The following CPLANE1 variants were observed in gnomAD, a reference collection of about 807,000 sequenced individuals.
CPLANE1 encodes ciliogenesis and planar polarity effector complex subunit 1.
Under a neutral mutation model 362.5 loss-of-function variants are expected in CPLANE1, and 263 were observed. The observed-to-expected ratio is 0.73, with a 90% CI of 0.66 to 0.80. CPLANE1 has a LOEUF of 0.80. Among genes scored for constraint, CPLANE1 ranks in the 30% least tolerant of loss-of-function variants. The pLI is 0.00. For missense variants in CPLANE1, 3,461 were observed against 3,793.4 expected, an observed-to-expected ratio of 0.91 and a Z score of 2.30; for synonymous variants, 1,212 against 1,302.6, an observed-to-expected ratio of 0.93 and a Z score of 1.50.
rs781497627 is a variant in CPLANE1, at chr5:37,167,136, T to C, written c.7311A>G (p.Leu2437=). 3.7e-6 allele frequency: 6 copies of C among 1,613,574 alleles called. No individual in the cohort carries two copies. The highest frequency in any genetic ancestry group is 1.7e-4 in the Middle Eastern group (1 of 6,058). ...KQSQQKLTHN[L]FEQGDAGHLQ... ...GGTGTCCAGCATCACCTTGTTCAAATAAATTATGTGTTAGTTTCTGTTGGC... is the reference window on the plus strand; with the variant it reads ...GGTGTCCAGCATCACCTTGTTCAAACAAATTATGTGTTAGTTTCTGTTGGC... Residue 2437 remains leucine (L), a synonymous_variant, in exon 35 of 53, where the codon TTA becomes TTG. Transcript: ENST00000651892.
intron 28 of CPLANE1, 65 bp downstream of exon 28, chr5:37,179,952 G>T: frequency 9.0e-7 from 1 of 1,112,048 alleles, no homozygotes. Context: ...AGTTACCTCA[G>T]ATAATATTAT....
intron 43 of CPLANE1, among the ~76,000 whole-genome samples, chr5:37,144,225 C>T (rs10043395): frequency 0.15 from 21,748 of 149,956 alleles, 1,866 homozygotes; most frequent in African/African-American, 0.22. Context: ...CTGGTTAACA[C>T]GGTGAAAACC....
In CPLANE1 at chr5:37,184,958, A is replaced by T. The variant is rs1783591442; in HGVS notation, c.4311T>A (p.Ile1437=). 6.2e-7 allele frequency: 1 copy of T among 1,613,922 alleles called. No individual in the cohort carries two copies. Among genetic ancestry groups the T allele is most frequent in the African/African-American group, 1.3e-5 (1 of 74,882 alleles). The change falls in exon 25 of 53, where the codon ATT becomes ATA. Residue 1437 remains isoleucine, a synonymous_variant. Coordinates refer to ENST00000651892, the MANE Select transcript of CPLANE1 (RefSeq NM_001384732.1). ...GAGCCTCATCTGGTTTCTCTTCTTC[A>T]ATTGGTTCCCATATATTCACTTCAA... ...GSFEVNIWEP[I]EEEKPDEAPG...
chr5:37,154,109 A>T (rs1037330089), intron 41 of CPLANE1, 116 bp from the exon 42 acceptor site: 1 of 846,748 alleles, frequency 1.2e-6, no homozygotes, highest in African/African-American at 1.7e-5. Flanking sequence ...TTTCCAAATC[A>T]GTTTTAATTA....
chr5:37,108,560 C>CA, intron 51 of CPLANE1, 89 bp from the exon 52 acceptor site: 1 of 1,196,964 alleles, frequency 8.4e-7, no homozygotes, highest in Non-Finnish European at 1.2e-6. Flanking sequence ...TCATCAAAGC[C>CA]AAGGTAGTCA....
At chr5:37,239,518 G>A (rs1254997194) in intron 7 of CPLANE1, among the ~76,000 whole-genome samples, 195 bp downstream of exon 7, 1 of 145,986 alleles carries the variant, frequency 6.8e-6, no homozygotes, top group Non-Finnish European at 1.5e-5. Flanking sequence ...AGGAGGTCGA[G>A]GCTGCAGCAA....
At chr5:37,148,097 CT>C in intron 43 of CPLANE1, 83 bp downstream of exon 43, 1 of 841,806 alleles carries the variant, frequency 1.2e-6, no homozygotes, top group Non-Finnish European at 1.8e-6. Context: ...ACTACTCCTA[CT>C]TCTGGCACTC....
Position 37,142,361 on chromosome 5 carries a change from C to T in CPLANE1, c.8581G>A (p.Asp2861Asn), listed in dbSNP as rs748445168. 5.6e-6 allele frequency: 9 copies of T among 1,609,866 alleles called. No homozygotes were observed. Among genetic ancestry groups the T allele is most frequent in the South Asian group, 4.4e-5 (4 of 90,174 alleles). ...GQKTCVFPTA[D>N]SAVSLSSSSD... ...GAACTGGAAAGGCTGACAGCTGAAT[C>T]GGCAGTAGGAAACACACAGGTTTTC... The change falls in exon 44 of 53, where the codon GAT becomes AAT. Residue 2861 changes from aspartate to asparagine, a missense_variant. By Grantham distance (23) the Asp-to-Asn change is conservative. This residue lies in a region of CPLANE1 where 3,380 missense variants were observed against 3,666.1 expected (regional missense o/e 0.92). Transcript: ENST00000651892.
At chr5:37,159,737 C>T (rs961341420) in intron 38 of CPLANE1, among the ~76,000 whole-genome samples, 1 of 152,118 alleles carries the variant, frequency 6.6e-6, no homozygotes, top group Non-Finnish European at 1.5e-5. Context: ...AATAAAAATA[C>T]TGAAATCATT....
At chr5:37,127,680 G>A (rs957390364) in intron 46 of CPLANE1, among the ~76,000 whole-genome samples, 3 of 151,308 alleles carry the variant, frequency 2.0e-5, no homozygotes, top group African/African-American at 4.9e-5. Flanking sequence ...CACCACGCCC[G>A]GCTTTTTGCA....
Position 37,243,012 on chromosome 5 carries a change from C to A in CPLANE1, c.677+1G>T. Reference sequence around the variant, plus strand: ...AAGGAAGAAGAAAACATTTACCTCACCTTACAGATGTAAATACATTCTCAT... The same window carrying A: ...AAGGAAGAAGAAAACATTTACCTCAACTTACAGATGTAAATACATTCTCAT... On this transcript the variant is annotated splice_donor_variant, in intron 6 of 52. Transcript: ENST00000651892. LOFTEE classifies it high-confidence loss of function. 2 of 1,520,020 alleles carry A rather than the reference C, an allele frequency of 1.3e-6. No individual in the cohort carries two copies. The highest frequency in any genetic ancestry group is 1.8e-6 in the Non-Finnish European group (2 of 1,127,258). 94.2% of individuals were successfully genotyped at this position (1,520,020 alleles called of 1,614,324 possible).
At chr5:37,161,216 C>A (rs994145493) in intron 38 of CPLANE1, among the ~76,000 whole-genome samples, 1 of 152,110 alleles carries the variant, frequency 6.6e-6, no homozygotes, top group Non-Finnish European at 1.5e-5. Context: ...ATAGAAAATA[C>A]GGGTATCCCT....
intron 40 of CPLANE1, 28 bp downstream of exon 40, chr5:37,157,642 A>G: frequency 6.3e-7 from 1 of 1,578,848 alleles, no homozygotes. Context: ...TTCAAATTAT[A>G]TTTGTTTTAA....
chr5:37,118,521 T>C (rs185450465), intron 50 of CPLANE1, among the ~76,000 whole-genome samples: 97 of 152,224 alleles, frequency 6.4e-4, no homozygotes, highest in African/African-American at 2.3e-3. Context: ...GTTGGTTCTA[T>C]GTGTGTAGGC....
intron 47 of CPLANE1, 182 bp downstream of exon 47, chr5:37,125,062 A>G: frequency 7.3e-6 from 10 of 1,376,206 alleles, no homozygotes; most frequent in Non-Finnish European, 9.5e-6. Flanking sequence ...CTTGGTTAGC[A>G]CAATATGCTG....
At chr5:37,239,546 G>T (rs568533052) in intron 7 of CPLANE1, among the ~76,000 whole-genome samples, 167 bp downstream of exon 7, 16 of 127,408 alleles carry the variant, frequency 1.3e-4, no homozygotes, top group African/African-American at 5.0e-4. Context: ...TCGCACCACT[G>T]CACTCCAGCC....
the CPLANE1 span, among the ~76,000 whole-genome samples, chr5:37,080,284 T>C: frequency 2.0e-5 from 3 of 152,208 alleles, no homozygotes; most frequent in African/African-American, 4.8e-5. Context: ...CTTAAGGACA[T>C]TACCCTGACT....
intron 18 of CPLANE1, among the ~76,000 whole-genome samples, chr5:37,203,582 T>C (rs531541486): frequency 5.9e-5 from 9 of 152,276 alleles, no homozygotes; most frequent in African/African-American, 2.2e-4. Context: ...GGCACAATCA[T>C]GGCTCACTGC....
At chr5:37,120,546 C>T (rs1762342395) in intron 49 of CPLANE1, among the ~76,000 whole-genome samples, 1 of 152,160 alleles carries the variant, frequency 6.6e-6, no homozygotes, top group Non-Finnish European at 1.5e-5. Context: ...TGCCACTGCA[C>T]TCCAGCCTGG....
Sources: allele counts gnomAD v4.1 joint callset (sites outside exome capture counted in the v4.1 genomes callset), GRCh38; gene constraint gnomAD v4.1.1; regional missense constraint gnomAD v4.1.1; transcripts MANE v1.5; gene names NCBI Gene and HGNC (gene_info 2026-07-23, HGNC 2026-07-21).